The following SDCCAG8 variants were observed in gnomAD, a reference collection of about 807,000 sequenced individuals.
The protein encoded by SDCCAG8 is serologically defined colon cancer antigen 8.
Under a neutral mutation model 101.8 loss-of-function variants are expected in SDCCAG8, and 74 were observed. That is an observed-to-expected ratio of 0.73 (90% CI 0.60 to 0.88). SDCCAG8 has a LOEUF of 0.88. Among genes scored for constraint, SDCCAG8 ranks in the 40% least tolerant of loss-of-function variants. SDCCAG8 has a pLI of 0.00. For synonymous variants in SDCCAG8, 281 were observed against 292.9 expected (o/e 0.96, Z 0.41); for missense variants, 787 against 822.6 (o/e 0.96, Z 0.53).
intron 5 of SDCCAG8, among the ~76,000 whole-genome samples, chr1:243,287,365 T>A (rs934857604): frequency 3.9e-5 from 6 of 152,222 alleles, no homozygotes; most frequent in Non-Finnish European, 8.8e-5. Context: ...TAAGAAAACA[T>A]GAAAGTCTTG....
At chr1:243,462,783 T>C (rs930623400) in intron 16 of SDCCAG8, among the ~76,000 whole-genome samples, 7 of 152,140 alleles carry the variant, frequency 4.6e-5, no homozygotes, top group Admixed American at 6.5e-5. Context: ...AGTGAAATTG[T>C]TTACCTAGAA....
chr1:243,455,197 G>A (rs2083649791), intron 16 of SDCCAG8, among the ~76,000 whole-genome samples: 1 of 152,170 alleles, frequency 6.6e-6, no homozygotes, highest in African/African-American at 2.4e-5. Flanking sequence ...GAATTTTGAA[G>A]TTTTATTTTG....
chr1:243,294,885 G>C (rs2070714482), intron 6 of SDCCAG8, among the ~76,000 whole-genome samples: 1 of 152,112 alleles, frequency 6.6e-6, no homozygotes, highest in African/African-American at 2.4e-5. Context: ...AATGATGAAA[G>C]AGTGAGATTA....
chr1:243,321,724 A>G (rs2073773236), intron 9 of SDCCAG8, among the ~76,000 whole-genome samples: 1 of 151,924 alleles, frequency 6.6e-6, no homozygotes, highest in Admixed American at 6.6e-5. Context: ...ATCTTGGTTC[A>G]CTGTAACCTC....
rs74162289 is a variant in SDCCAG8 at position 243,492,604 on chromosome 1, G to GTTT, written c.2112+3485_2112+3487dup. ...CAGGCGTGAGCCACTGCGCCCAGCT[G>GTTT]TTTTTTTTTTTTTTTTTTTTTTTGA... On this transcript the variant is annotated intron_variant, in intron 17 of 17. Coordinates refer to ENST00000366541, the MANE Select transcript of SDCCAG8 (RefSeq NM_006642.5). 4.7e-3 allele frequency among the ~76,000 whole-genome samples: 277 copies of GTTT among 58,824 alleles called. 7 individuals are homozygous for GTTT. Among genetic ancestry groups the GTTT allele is most frequent in the African/African-American group, 0.012 (168 of 14,404 alleles). The allele number at this position is 58,824 out of a possible 152,430, so 38.6% of individuals were successfully genotyped here. A position where few individuals can be genotyped will look rare whatever the true frequency, so the allele number is the denominator to read the frequency against.
At chr1:243,296,507 C>T (rs1456260290) in intron 6 of SDCCAG8, among the ~76,000 whole-genome samples, 1 of 148,788 alleles carries the variant, frequency 6.7e-6, no homozygotes, top group African/African-American at 2.5e-5. Context: ...AGTTGAGCTT[C>T]GTCCCCCTGT....
intron 4 of SDCCAG8, among the ~76,000 whole-genome samples, chr1:243,284,505 G>T (rs1407873647): frequency 6.6e-6 from 1 of 152,200 alleles, no homozygotes; most frequent in Non-Finnish European, 1.5e-5. Flanking sequence ...TTTTAGTAAA[G>T]CCTTTGCCTT....
intron 12 of SDCCAG8, among the ~76,000 whole-genome samples, chr1:243,350,331 C>T (rs2076011378): frequency 2.0e-5 from 3 of 152,028 alleles, no homozygotes. Flanking sequence ...GCCTCAGCCT[C>T]CCAAGTAGCT....
At chr1:243,343,099 C>G (rs1360107497) in intron 11 of SDCCAG8, among the ~76,000 whole-genome samples, 3 of 152,150 alleles carry the variant, frequency 2.0e-5, no homozygotes, top group Non-Finnish European at 4.4e-5. Flanking sequence ...GGAACTGGGA[C>G]TACAGGCATG....
chr1:243,349,208 C>A (rs1573482105), intron 12 of SDCCAG8, among the ~76,000 whole-genome samples: 2 of 152,256 alleles, frequency 1.3e-5, no homozygotes, highest in Admixed American at 1.3e-4. Context: ...TATATATCCC[C>A]ACTCACATAT....
rs1383904679 is a variant in SDCCAG8, at chr1:243,421,297, C to G, written c.1853+3221C>G. Among the ~76,000 whole-genome samples, 3 of 151,996 alleles carry G rather than the reference C, an allele frequency of 2.0e-5. No homozygotes were observed. The East Asian group carries it at 5.8e-4, about 29-fold the overall frequency. On this transcript the variant is annotated intron_variant, in intron 15 of 17. Coordinates refer to ENST00000366541, the MANE Select transcript of SDCCAG8 (RefSeq NM_006642.5). ...CATTTAAAACAAGATTTTAAACTCA[C>G]AGATCTAGTCATTTGACTGAAGCCC...
intron 16 of SDCCAG8, among the ~76,000 whole-genome samples, chr1:243,438,177 A>G (rs2082275848): frequency 6.6e-6 from 1 of 151,582 alleles, no homozygotes; most frequent in East Asian, 1.9e-4. Flanking sequence ...ATCCGGGGGG[A>G]GGAAGGCTGT....
rs187658504 is a variant in SDCCAG8, at chr1:243,453,131, A to C, written c.1985+26573A>C. Among the ~76,000 whole-genome samples, 5 of 152,358 alleles carry C rather than the reference A, an allele frequency of 3.3e-5. No individual in the cohort carries two copies. In the East Asian group the frequency reaches 9.6e-4, roughly 29 times the overall value. On this transcript the variant is annotated intron_variant, in intron 16 of 17. Coordinates refer to ENST00000366541, the MANE Select transcript of SDCCAG8 (RefSeq NM_006642.5). ...CCTTTTCCGGAGTTGATGAGATATCATGATGTTATTGGAGGGTGCAGGAGG... is the reference window on the plus strand; with the variant it reads ...CCTTTTCCGGAGTTGATGAGATATCCTGATGTTATTGGAGGGTGCAGGAGG...
chr1:243,332,523 G>T (rs755531267), intron 10 of SDCCAG8, among the ~76,000 whole-genome samples: 3 of 151,664 alleles, frequency 2.0e-5, no homozygotes, highest in Non-Finnish European at 2.9e-5. Flanking sequence ...GGTGATTTTC[G>T]CAGTCCAGGT....
At chr1:243,316,089 G>T (rs964320185) in intron 8 of SDCCAG8, among the ~76,000 whole-genome samples, 3 of 152,198 alleles carry the variant, frequency 2.0e-5, no homozygotes, top group Admixed American at 2.0e-4. Context: ...GCTTAGGATA[G>T]AGTACTTCTG....
chr1:243,426,383 A>G (rs1183371483), intron 15 of SDCCAG8, 44 bp from the exon 16 acceptor site: 7 of 1,553,460 alleles, frequency 4.5e-6, no homozygotes, highest in Non-Finnish European at 6.2e-6. Flanking sequence ...TGCCCTAGTA[A>G]TAAGAACTTC....
intron 1 of SDCCAG8, among the ~76,000 whole-genome samples, chr1:243,268,588 C>T (rs933184076): frequency 6.6e-6 from 1 of 152,106 alleles, no homozygotes; most frequent in African/African-American, 2.4e-5. Context: ...ATTTCATTGT[C>T]GAACCCTGAC....
At chr1:243,378,215 C>T (rs1332390911) in intron 12 of SDCCAG8, among the ~76,000 whole-genome samples, 1 of 150,974 alleles carries the variant, frequency 6.6e-6, no homozygotes, top group East Asian at 1.9e-4. Context: ...TAATATTGAA[C>T]ATCATAATCA....
chr1:243,439,088 G>A (rs10927020), intron 16 of SDCCAG8, among the ~76,000 whole-genome samples: 42,067 of 152,156 alleles, frequency 0.28, 7,161 homozygotes, highest in East Asian at 0.48. Context: ...GTGAGGCGTG[G>A]AAGAATGGAA....
Sources: allele counts gnomAD v4.1 joint callset (sites outside exome capture counted in the v4.1 genomes callset), GRCh38; gene constraint gnomAD v4.1.1; transcripts MANE v1.5; gene names NCBI Gene and HGNC (gene_info 2026-07-23, HGNC 2026-07-21).